Variants in SETBP1 observed in about 807,000 individuals in gnomAD.
SETBP1 encodes SET-binding protein.
Under a neutral mutation model 101.0 loss-of-function variants are expected in SETBP1, and 9 were observed. The observed-to-expected ratio is 0.09, with a 90% confidence interval of 0.05 to 0.16. SETBP1 has a LOEUF of 0.16. Among genes scored for constraint, SETBP1 ranks in the 10% least tolerant of loss-of-function variants. The pLI is 1.00. For missense variants in SETBP1, 1,858 were observed against 2,033.8 expected, an observed-to-expected ratio of 0.91 and a Z score of 1.66; for synonymous variants, 818 against 788.5, an observed-to-expected ratio of 1.04 and a Z score of -0.63.
chr18:45,043,238 G>A (rs1331196257), intron 5 of SETBP1, among the ~76,000 whole-genome samples: 1 of 152,110 alleles, frequency 6.6e-6, no homozygotes, highest in Non-Finnish European at 1.5e-5. Context: ...GTATGAATAA[G>A]TAGATTCCAA....
Position 44,860,618 on chromosome 18 carries a change from G to A in SETBP1, c.487-8612G>A, listed in dbSNP as rs534194655. ...TAAAATTAGCCAGGCATGTTGGCGC[G>A]TGCCTGTAATCCCAGCTACTTGGGA... On this transcript the variant is annotated intron_variant, in intron 2 of 5. Coordinates refer to ENST00000649279, the MANE Select transcript of SETBP1 (RefSeq NM_015559.3). 9.9e-5 allele frequency among the ~76,000 whole-genome samples: 15 copies of A among 152,184 alleles called. No homozygotes were observed. In the South Asian group the frequency reaches 1.0e-3, roughly 11 times the overall value.
chr18:45,039,445 TC>T (rs1235276903), intron 5 of SETBP1, among the ~76,000 whole-genome samples: 4 of 152,176 alleles, frequency 2.6e-5, no homozygotes, highest in Middle Eastern at 3.4e-3. Context: ...CCTAATTACA[TC>T]CTACAAGTCC....
chr18:45,047,495 G>A (rs2073636727), intron 5 of SETBP1, among the ~76,000 whole-genome samples: 1 of 152,172 alleles, frequency 6.6e-6, no homozygotes, highest in Non-Finnish European at 1.5e-5. Flanking sequence ...ATGGTGGTGA[G>A]ATAATTTAGT....
At chr18:44,855,327 G>A (rs1177952137) in intron 2 of SETBP1, among the ~76,000 whole-genome samples, 4 of 151,330 alleles carry the variant, frequency 2.6e-5, no homozygotes, top group African/African-American at 9.7e-5. Context: ...TTTTCATTTT[G>A]CTATTTCCCT....
At chr18:44,885,800 C>T (rs2069628189) in intron 3 of SETBP1, among the ~76,000 whole-genome samples, 1 of 140,322 alleles carries the variant, frequency 7.1e-6, no homozygotes, top group South Asian at 2.4e-4. Flanking sequence ...GGAAAACATG[C>T]TCCCAGGCTA....
At chr18:44,708,887 G>T (rs933273168) in intron 2 of SETBP1, among the ~76,000 whole-genome samples, 1 of 152,146 alleles carries the variant, frequency 6.6e-6, no homozygotes, top group Non-Finnish European at 1.5e-5. Flanking sequence ...CTTTAAGAAC[G>T]CTCATTACTA....
At chr18:44,931,497 T>A (rs2070833481) in intron 3 of SETBP1, among the ~76,000 whole-genome samples, 1 of 152,226 alleles carries the variant, frequency 6.6e-6, no homozygotes. Context: ...ATATCCTTGT[T>A]AACTTTTTGT....
In SETBP1 at chr18:44,950,363, T is replaced by A. The variant is rs1246677529; in HGVS notation, c.1023T>A (p.Asp341Glu). 6.2e-7 allele frequency: 1 copy of A among 1,613,950 alleles called. No individual in the cohort carries two copies. The highest frequency in any genetic ancestry group is 1.3e-5 in the African/African-American group (1 of 74,920). Residue 341 changes from aspartate (D) to glutamate (E), a missense_variant, in exon 4 of 6, where the codon GAT becomes GAA. Transcript: ENST00000649279. Reference protein sequence around the residue: ...VGSKKKSSKKDVISQTIPNPD... With the variant: ...VGSKKKSSKKEVISQTIPNPD... ...GCAAGAAAAAGTCCAGTAAAAAAGA[T>A]GTGATAAGTCAGACCATACCAAACC...
intron 2 of SETBP1, among the ~76,000 whole-genome samples, chr18:44,716,584 G>T (rs544077041): frequency 4.5e-4 from 69 of 152,206 alleles, no homozygotes; most frequent in South Asian, 8.3e-4. Context: ...TTGTTTTTGA[G>T]ACTTAGTCTC....
rs1205457931 is a variant in SETBP1 at position 44,950,765 on chromosome 18, C to T, written c.1425C>T (p.Ser475=). ...TGAGTAAAATGATAGAGAATGAGTC[C>T]CCCTCAGTTGGCCTTGAAACTGGTG... ...PKLSKMIENE[S]PSVGLETGGN... The change falls in exon 4 of 6, where the codon TCC becomes TCT. Residue 475 remains serine, a synonymous_variant. Transcript: ENST00000649279. 6.2e-7 allele frequency: 1 copy of T among 1,613,920 alleles called. No individual in the cohort carries two copies. The highest frequency in any genetic ancestry group is 1.1e-5 in the South Asian group (1 of 91,078).
chr18:44,783,718 G>A (rs1440291330), intron 2 of SETBP1, among the ~76,000 whole-genome samples: 1 of 152,198 alleles, frequency 6.6e-6, no homozygotes, highest in East Asian at 1.9e-4. Flanking sequence ...GATGGAAGGT[G>A]TTTTTATTAT....
intron 4 of SETBP1, chr18:44,988,624 ATGTTCAGAC>A (rs2072290755): frequency 6.6e-6 from 1 of 152,334 alleles, no homozygotes; most frequent in South Asian, 2.1e-4. Context: ...CTATTTCTGG[ATGTTCAGAC>A]TGTTTGGTTT....
intron 4 of SETBP1, among the ~76,000 whole-genome samples, chr18:45,022,558 G>A (rs1043143454): frequency 1.3e-5 from 2 of 152,180 alleles, no homozygotes; most frequent in Non-Finnish European, 2.9e-5. Context: ...GGCCAGGCAC[G>A]GTGGCCCACG....
At chr18:44,745,289 C>A (rs2070212338) in intron 2 of SETBP1, among the ~76,000 whole-genome samples, 1 of 152,114 alleles carries the variant, frequency 6.6e-6, no homozygotes, top group African/African-American at 2.4e-5. Context: ...TACACATACA[C>A]CCATGTGTAT....
In SETBP1 at chr18:44,952,855, G is replaced by T. The variant is rs910477644; in HGVS notation, c.3515G>T (p.Gly1172Val). Reference sequence around the variant, plus strand: ...CTAGGGACCCATGACAACCTGAGTGGTCTTTTTGCAGGCAAAGCCACAGGC... The same window carrying T: ...CTAGGGACCCATGACAACCTGAGTGTTCTTTTTGCAGGCAAAGCCACAGGC... Reference protein sequence around the residue: ...RILGTHDNLSGLFAGKATGFS... With the variant: ...RILGTHDNLSVLFAGKATGFS... Residue 1172 changes from glycine (G) to valine (V), a missense_variant, in exon 4 of 6, where the codon GGT becomes GTT. This residue lies in a region of SETBP1 where 417 missense variants were observed against 389.1 expected (regional missense o/e 1.07). Transcript: ENST00000649279. 22 of 1,614,128 alleles carry T rather than the reference G, an allele frequency of 1.4e-5. No homozygotes were observed. The highest frequency in any genetic ancestry group is 1.6e-5 in the Non-Finnish European group (19 of 1,180,044).
chr18:44,940,642 T>C (rs1409919826), intron 3 of SETBP1, among the ~76,000 whole-genome samples: 1 of 152,218 alleles, frequency 6.6e-6, no homozygotes, highest in Non-Finnish European at 1.5e-5. Context: ...AATGTATACC[T>C]CTATATGTAC....
chr18:44,909,516 C>T (rs1599308140), intron 3 of SETBP1, among the ~76,000 whole-genome samples: 1 of 152,162 alleles, frequency 6.6e-6, no homozygotes, highest in Admixed American at 6.5e-5. Flanking sequence ...GAGGGAGTAT[C>T]GTACCAATTC....
intron 2 of SETBP1, among the ~76,000 whole-genome samples, chr18:44,711,525 C>CT (rs918090108): frequency 4.1e-4 from 52 of 126,220 alleles, no homozygotes; most frequent in Middle Eastern, 4.2e-3. Flanking sequence ...TTCTTTGTTG[C>CT]TTTTTTTTTT....
At chr18:45,021,690 C>G (rs560429890) in intron 4 of SETBP1, among the ~76,000 whole-genome samples, 1 of 152,272 alleles carries the variant, frequency 6.6e-6, no homozygotes, top group East Asian at 1.9e-4. Context: ...TTGCAGAATA[C>G]ATACACTAGA....
Sources: allele counts gnomAD v4.1 joint callset (sites outside exome capture counted in the v4.1 genomes callset), GRCh38; gene constraint gnomAD v4.1.1; regional missense constraint gnomAD v4.1.1; transcripts MANE v1.5; gene names NCBI Gene and HGNC (gene_info 2026-07-23, HGNC 2026-07-21).